Variants in MBD5 observed in about 807,000 individuals in gnomAD.
The protein encoded by MBD5 is methyl-CpG-binding domain protein 5.
In MBD5, 13 loss-of-function variants were observed where a neutral mutation model predicts 117.3. That is an observed-to-expected ratio of 0.11 (90% CI 0.07 to 0.18). MBD5 has a LOEUF of 0.18. Among genes scored for constraint, MBD5 ranks in the 10% least tolerant of loss-of-function variants. The pLI, the probability that MBD5 is intolerant of heterozygous loss-of-function variation, is 1.00. For missense variants in MBD5, 1,879 were observed against 2,093.8 expected (o/e 0.90, Z 2.00); for synonymous variants, 727 against 766.4 (o/e 0.95, Z 0.85).
chr2:148,345,940 C>G (rs940930299), intron 4 of MBD5: 1 of 151,904 alleles, frequency 6.6e-6, no homozygotes, highest in Non-Finnish European at 1.5e-5. Context: ...TTGCTGGAAG[C>G]TGATTAGATT....
At chr2:148,357,024 C>T (rs764622315) in intron 4 of MBD5, among the ~76,000 whole-genome samples, 13 of 151,956 alleles carry the variant, frequency 8.6e-5, no homozygotes, top group Non-Finnish European at 1.6e-4. Flanking sequence ...ACAAGTTATC[C>T]AGGTTCTAAC....
At chr2:148,223,637 G>C (rs1699747177) in intron 2 of MBD5, among the ~76,000 whole-genome samples, 1 of 142,006 alleles carries the variant, frequency 7.0e-6, no homozygotes, top group South Asian at 2.2e-4. Context: ...TATTTATTTG[G>C]ATCCTCTCTC....
At chr2:148,132,966 A>G (rs7604592) in intron 1 of MBD5, among the ~76,000 whole-genome samples, 63,333 of 152,048 alleles carry the variant, frequency 0.42, 13,390 homozygotes, top group Middle Eastern at 0.54. Flanking sequence ...GGCTGACTTA[A>G]AATGTAACAT....
chr2:148,200,001 A>G (rs568034889), intron 2 of MBD5, among the ~76,000 whole-genome samples: 2 of 152,340 alleles, frequency 1.3e-5, no homozygotes, highest in African/African-American at 4.8e-5. Context: ...ATCTTATGAT[A>G]GAAAAATTCC....
At chr2:148,462,024 T>C (rs907046229) in intron 5 of MBD5, among the ~76,000 whole-genome samples, 2 of 152,150 alleles carry the variant, frequency 1.3e-5, no homozygotes, top group African/African-American at 4.8e-5. Context: ...ATCTATTATA[T>C]CTTTAAAGAA....
intron 2 of MBD5, among the ~76,000 whole-genome samples, chr2:148,229,271 A>G (rs1257112996): frequency 6.6e-6 from 1 of 151,594 alleles, no homozygotes; most frequent in Non-Finnish European, 1.5e-5. Context: ...ACCTGCTATT[A>G]ATGGACTTTG....
At chr2:148,375,103 C>A (rs115514178) in intron 4 of MBD5, among the ~76,000 whole-genome samples, 1,741 of 152,222 alleles carry the variant, frequency 0.011, 35 homozygotes, top group African/African-American at 0.04. Flanking sequence ...TACAAGTCAT[C>A]AATGAAAATA....
chr2:148,342,156 A>G (rs1348049750), intron 3 of MBD5, 58 bp from the exon 4 acceptor site: 1 of 152,062 alleles, frequency 6.6e-6, no homozygotes. Context: ...AATACTGTTA[A>G]TGATTTTGAA....
At chr2:148,251,361 G>A (rs1180561489) in intron 3 of MBD5, among the ~76,000 whole-genome samples, 1 of 152,090 alleles carries the variant, frequency 6.6e-6, no homozygotes, top group East Asian at 1.9e-4. Flanking sequence ...GTCATAATAA[G>A]AAAGCCAAGA....
chr2:148,061,980 T>C (rs189677236), intron 1 of MBD5, among the ~76,000 whole-genome samples: 18 of 151,856 alleles, frequency 1.2e-4, no homozygotes, highest in Admixed American at 8.5e-4. Flanking sequence ...TACCTTTTCT[T>C]TACATCTATA....
chr2:148,272,526 G>A (rs958179354), intron 3 of MBD5, among the ~76,000 whole-genome samples: 1 of 151,844 alleles, frequency 6.6e-6, no homozygotes, highest in African/African-American at 2.4e-5. Context: ...TCATTTCCTC[G>A]ATGATTAGTG....
rs551944814 is a variant in MBD5, at chr2:148,142,072, G to A, written c.-924-36628G>A. On this transcript the variant is annotated intron_variant, in intron 1 of 13. Transcript: ENST00000642680. ...AGAAAAATAGGACAAAAAAACCGAAGCGATAAAAAGGCAGACAAAACCATG... is the reference window on the plus strand; with the variant it reads ...AGAAAAATAGGACAAAAAAACCGAAACGATAAAAAGGCAGACAAAACCATG... Among the ~76,000 whole-genome samples the A allele has an allele frequency of 2.6e-5, 4 of 152,204 alleles. No homozygotes were observed. The South Asian group carries it at 6.2e-4, about 24-fold the overall frequency.
rs545381660 is a variant in MBD5 at position 148,349,480 on chromosome 2, C to T, written c.-557+7144C>T. On this transcript the variant is annotated intron_variant, in intron 4 of 13. Coordinates refer to ENST00000642680, the MANE Select transcript of MBD5 (RefSeq NM_001378120.1). ...GTAAATGTTTTGGTTTGTTAAATTC[C>T]CCCCTTTACTATTTATTATGTAAAT... Among the ~76,000 whole-genome samples, 9 of 151,944 alleles carry T rather than the reference C, an allele frequency of 5.9e-5. No homozygotes were observed. In the South Asian group the frequency reaches 1.9e-3, roughly 31 times the overall value.
intron 3 of MBD5, among the ~76,000 whole-genome samples, chr2:148,267,654 A>G (rs570167838): frequency 3.9e-5 from 6 of 152,262 alleles, no homozygotes; most frequent in South Asian, 2.1e-4. Context: ...TTATATTTTT[A>G]CTAAATATAT....
At chr2:148,370,347 G>T (rs1365895741) in intron 4 of MBD5, among the ~76,000 whole-genome samples, 1 of 151,970 alleles carries the variant, frequency 6.6e-6, no homozygotes, top group Non-Finnish European at 1.5e-5. Flanking sequence ...GAGCTATCTG[G>T]TCTGTATTCC....
At chr2:148,037,208 ATTTG>A (rs1004313752) in intron 1 of MBD5, among the ~76,000 whole-genome samples, 1 of 151,976 alleles carries the variant, frequency 6.6e-6, no homozygotes, top group Non-Finnish European at 1.5e-5. Context: ...AACAAAGATA[ATTTG>A]TTTGTTTCAA....
intron 3 of MBD5, among the ~76,000 whole-genome samples, chr2:148,253,465 G>C (rs1392852737): frequency 6.6e-6 from 1 of 152,104 alleles, no homozygotes; most frequent in African/African-American, 2.4e-5. Context: ...TGCTGTGAGG[G>C]CATATACAGG....
intron 1 of MBD5, among the ~76,000 whole-genome samples, chr2:148,022,284 A>G (rs1693771358): frequency 1.3e-5 from 2 of 151,808 alleles, no homozygotes; most frequent in South Asian, 4.2e-4. Context: ...TCCATGGAAA[A>G]TTTCAAATTT....
chr2:148,451,466 C>T (rs1706726162), intron 4 of MBD5, among the ~76,000 whole-genome samples: 1 of 151,874 alleles, frequency 6.6e-6, no homozygotes, highest in Non-Finnish European at 1.5e-5. Flanking sequence ...TGACTAGGTA[C>T]TGTGAAGGAG....
Sources: allele counts gnomAD v4.1 joint callset (sites outside exome capture counted in the v4.1 genomes callset), GRCh38; gene constraint gnomAD v4.1.1; transcripts MANE v1.5; gene names NCBI Gene and HGNC (gene_info 2026-07-23, HGNC 2026-07-21).